SSMEM1: variants seen among roughly 807,000 people sequenced by gnomAD.
SSMEM1 encodes serine-rich single-pass membrane protein 1.
In SSMEM1, 12 loss-of-function variants were observed where a neutral mutation model predicts 9.9. The ratio of observed to expected loss-of-function variants is 1.21; its 90% CI spans 0.78 to 1.96. The LOEUF (loss-of-function observed/expected upper bound fraction) is 1.96, where lower values mean the gene tolerates loss of function less well. Ranked by LOEUF, SSMEM1 falls within the 30% of genes most tolerant of loss-of-function variation. The probability of loss-of-function intolerance (pLI) is 0.00; values close to 1 mark genes in which losing one functional copy is unlikely to be tolerated. For synonymous variants in SSMEM1, 96 were observed against 98.9 expected (o/e 0.97, Z 0.17); for missense variants, 259 against 292.2 (o/e 0.89, Z 0.83).
rs1562908044 is a variant in SSMEM1 at position 130,216,449 on chromosome 7, CA to C, written c.716del (p.Lys239ArgfsTer19). The C allele has an allele frequency of 6.2e-7, 1 of 1,609,022 alleles. No homozygotes were observed. The highest frequency in any genetic ancestry group is 1.1e-5 in the South Asian group (1 of 90,824). ...QEESSISDIN[K>X]KFSKF ...AGGAAAGTTCCATATCTGACATTAA[CA>C]AGAAATTTAGTAAATTTTGAATTTT... On this transcript the variant is annotated frameshift_variant, in exon 3 of 3. Coordinates refer to ENST00000297819, the MANE Select transcript of SSMEM1 (RefSeq NM_145268.4). LOFTEE classifies it high-confidence loss of function.
chr7:130,207,118 T>G (rs1415059398), upstream of SSMEM1: 1 of 156,750 alleles, frequency 6.4e-6, no homozygotes, highest in African/African-American at 2.4e-5. Context: ...TTTTCCCTCT[T>G]AATCTATAAG....
At chr7:130,215,823 C>G in intron 2 of SSMEM1, 151 bp from the exon 3 acceptor site, 1 of 1,006,448 alleles carries the variant, frequency 9.9e-7, no homozygotes, top group Non-Finnish European at 1.5e-6. Flanking sequence ...AAAATGCAGT[C>G]AGCTGCCAAC....
intron 1 of SSMEM1, 88 bp downstream of exon 1, chr7:130,208,181 A>G (rs1339754012): frequency 3.9e-6 from 5 of 1,289,856 alleles, no homozygotes; most frequent in Non-Finnish European, 5.2e-6. Context: ...CTTTGATGAA[A>G]CTACTTTTAA....
At chr7:130,206,257 G>T (rs1489555583), upstream of SSMEM1, among the ~76,000 whole-genome samples, 3 of 152,164 alleles carry the variant, frequency 2.0e-5, no homozygotes, top group African/African-American at 7.2e-5. Flanking sequence ...AACCCCAGCG[G>T]AGGCCCACAG....
intron 2 of SSMEM1, among the ~76,000 whole-genome samples, chr7:130,215,041 G>A (rs1275412176): frequency 6.6e-6 from 1 of 152,186 alleles, no homozygotes; most frequent in Admixed American, 6.5e-5. Context: ...GGTGGCTCAC[G>A]CCTGTAATCT....
rs762624408 is a variant in SSMEM1 at position 130,207,899 on chromosome 7, C to G, written c.-12C>G. On this transcript the variant is annotated 5_prime_UTR_variant, in exon 1 of 3. Coordinates refer to ENST00000297819, the MANE Select transcript of SSMEM1 (RefSeq NM_145268.4). ...CTTTAAGCATGGTTTATTTTCTGAG[C>G]AAGGAGTCATCATGGGAGACCTTTT... 1 of 1,612,676 alleles carries G rather than the reference C, an allele frequency of 6.2e-7. No homozygotes were observed. The highest frequency in any genetic ancestry group is 1.1e-5 in the South Asian group (1 of 90,852).
At position 130,216,642 on chromosome 7, in the gene SSMEM1, A is replaced by T. The variant is rs2117067966; in HGVS notation, c.*172A>T. The T allele has an allele frequency of 1.3e-6, 1 of 796,852 alleles. No individual in the cohort carries two copies. Among genetic ancestry groups the T allele is most frequent in the East Asian group, 2.7e-5 (1 of 36,864 alleles). The allele number at this position is 796,852 out of a possible 1,614,324, so 49.4% of individuals were successfully genotyped here. A position where few individuals can be genotyped will look rare whatever the true frequency, so the allele number is the denominator to read the frequency against. On this transcript the variant is annotated 3_prime_UTR_variant, in exon 3 of 3. Coordinates refer to ENST00000297819, the MANE Select transcript of SSMEM1 (RefSeq NM_145268.4). ...TCTCACACAATTCTTCGTTCAAAAAAAAAAAGGCCATCACGTGTTTATGGC... is the reference window on the plus strand; with the variant it reads ...TCTCACACAATTCTTCGTTCAAAAATAAAAAGGCCATCACGTGTTTATGGC...
At chr7:130,211,072 A>C (rs1333470741) in intron 1 of SSMEM1, among the ~76,000 whole-genome samples, 1 of 150,098 alleles carries the variant, frequency 6.7e-6, no homozygotes, top group Non-Finnish European at 1.5e-5. Flanking sequence ...TATTAAATTT[A>C]TTTTTTTCCT....
In SSMEM1 at chr7:130,216,822, G is replaced by T; in HGVS notation, c.*352G>T. On this transcript the variant is annotated 3_prime_UTR_variant, in exon 3 of 3. Coordinates refer to ENST00000297819, the MANE Select transcript of SSMEM1 (RefSeq NM_145268.4). ...ATGAATAAGAAAGCTCTTTGAAAAT[G>T]TATTATTTATGTTGAGAAACCACTT... is the stretch of plus-strand genomic sequence containing the variant. The T allele has an allele frequency of 4.1e-6, 1 of 241,218 alleles. No homozygotes were observed. The highest frequency in any genetic ancestry group is 8.1e-6 in the Non-Finnish European group (1 of 123,378). The allele number at this position is 241,218 out of a possible 1,614,324, so 14.9% of individuals were successfully genotyped here. A position where few individuals can be genotyped will look rare whatever the true frequency, so the allele number is the denominator to read the frequency against.
chr7:130,215,176 G>A (rs530843105), intron 2 of SSMEM1, among the ~76,000 whole-genome samples: 63 of 152,226 alleles, frequency 4.1e-4, no homozygotes, highest in African/African-American at 1.4e-3. Flanking sequence ...ATGGTGGCAC[G>A]TGCCTATAAT....
chr7:130,214,351 GC>G (rs779719855), intron 2 of SSMEM1, among the ~76,000 whole-genome samples: 29 of 152,234 alleles, frequency 1.9e-4, no homozygotes, highest in Non-Finnish European at 4.0e-4. Context: ...GTTCGAGGCT[GC>G]CAGTGAGGCA....
chr7:130,215,400 A>G (rs969412277), intron 2 of SSMEM1, among the ~76,000 whole-genome samples: 2 of 152,242 alleles, frequency 1.3e-5, no homozygotes, highest in African/African-American at 4.8e-5. Context: ...GCATAAACAA[A>G]TGTAGTAAGA....
At chr7:130,205,511 G>A, upstream of SSMEM1, 12 of 1,422,138 alleles carry the variant, frequency 8.4e-6, no homozygotes, top group Non-Finnish European at 1.2e-5. Flanking sequence ...GAGAAAGGGA[G>A]GGGTCGCAGG....
In SSMEM1 at chr7:130,213,852, G is replaced by A. The variant is rs374392620; in HGVS notation, c.238+318G>A. 3.1e-3 allele frequency among the ~76,000 whole-genome samples: 468 copies of A among 152,294 alleles called. 2 individuals are homozygous for A. Among genetic ancestry groups the A allele is most frequent in the South Asian group, 0.014 (68 of 4,822 alleles). On this transcript the variant is annotated intron_variant, in intron 2 of 2. Coordinates refer to ENST00000297819, the MANE Select transcript of SSMEM1 (RefSeq NM_145268.4). ...TTGCACACTAGAGGAGGCCCATTGG[G>A]GTTGGGTGAGTTTTTGCTTTGGACT...
intron 2 of SSMEM1, among the ~76,000 whole-genome samples, 175 bp downstream of exon 2, chr7:130,213,709 A>AT (rs1213021293): frequency 1.3e-5 from 2 of 149,732 alleles, no homozygotes; most frequent in Admixed American, 6.7e-5. Context: ...AAAAAAAAAA[A>AT]AAAAAGAAAA....
In SSMEM1 at chr7:130,207,924, T is replaced by C. The variant is rs779288452; in HGVS notation, c.14T>C (p.Phe5Ser). 6.2e-7 allele frequency: 1 copy of C among 1,613,638 alleles called. No individual in the cohort carries two copies. The highest frequency in any genetic ancestry group is 8.5e-7 in the Non-Finnish European group (1 of 1,179,848). MGDL[F>S]SLFWEVDPPP... ...CAAGGAGTCATCATGGGAGACCTTT[T>C]TTCCTTATTTTGGGAGGTAGATCCT... is the stretch of plus-strand genomic sequence containing the variant. The change falls in exon 1 of 3, where the codon TTT becomes TCT. Residue 5 changes from phenylalanine (F) to serine (S), a missense_variant. Transcript: ENST00000297819.
chr7:130,215,084 C>T (rs1382386126), intron 2 of SSMEM1, among the ~76,000 whole-genome samples: 3 of 152,178 alleles, frequency 2.0e-5, no homozygotes, highest in African/African-American at 4.8e-5. Context: ...GGGTGGATCT[C>T]CTGAGGTCAG....
At chr7:130,212,013 T>G (rs893460405) in intron 1 of SSMEM1, among the ~76,000 whole-genome samples, 1 of 152,272 alleles carries the variant, frequency 6.6e-6, no homozygotes. Flanking sequence ...GACAAAGCTT[T>G]CTTTCTTCTG....
At position 130,216,227 on chromosome 7, in the gene SSMEM1, G is replaced by A. The variant is rs201447540; in HGVS notation, c.492G>A (p.Glu164=). 2.5e-6 allele frequency: 4 copies of A among 1,614,182 alleles called. No individual in the cohort carries two copies. In the East Asian group the frequency reaches 8.9e-5, roughly 36 times the overall value. The part of the protein sequence containing the change: ...ESNSEASSWK[E]SESEHHPSPD... ...ACTCAGAAGCCTCCTCGTGGAAGGA[G>A]AGTGAAAGTGAACACCACCCATCAC... is the stretch of plus-strand genomic sequence containing the variant. The change falls in exon 3 of 3, where the codon GAG becomes GAA. Residue 164 remains glutamate, a synonymous_variant. Coordinates refer to ENST00000297819, the MANE Select transcript of SSMEM1 (RefSeq NM_145268.4).
Sources: allele counts gnomAD v4.1 joint callset (sites outside exome capture counted in the v4.1 genomes callset), GRCh38; gene constraint gnomAD v4.1.1; transcripts MANE v1.5; gene names NCBI Gene and HGNC (gene_info 2026-07-23, HGNC 2026-07-21).